Variants in MEGF10 observed in about 807,000 individuals in gnomAD.
MEGF10 encodes multiple epidermal growth factor-like domains protein 10.
In MEGF10, 86 loss-of-function variants were observed where a neutral mutation model predicts 147.5. That is an observed-to-expected ratio of 0.58 (90% CI 0.49 to 0.70). MEGF10 has a LOEUF of 0.70. MEGF10 is among the 30% of genes least tolerant of loss of function. The pLI is 0.00. For missense variants in MEGF10, 1,329 were observed against 1,487.3 expected, an observed-to-expected ratio of 0.89 and a Z score of 1.75; for synonymous variants, 478 against 525.5, an observed-to-expected ratio of 0.91 and a Z score of 1.24.
the MEGF10 span, chr5:127,229,501 C>A: frequency 1.3e-5 from 2 of 152,086 alleles, no homozygotes; most frequent in African/African-American, 4.8e-5. Flanking sequence ...GCGAGGCCTG[C>A]CTGCGGGAGA....
chr5:127,249,713 T>C, the MEGF10 span, among the ~76,000 whole-genome samples: 7,176 of 152,134 alleles, frequency 0.047, 283 homozygotes, highest in African/African-American at 0.1. Flanking sequence ...AATTGTGGCT[T>C]ATTCTGTTTT....
At chr5:127,259,454 G>A in the MEGF10 span, among the ~76,000 whole-genome samples, 1 of 152,150 alleles carries the variant, frequency 6.6e-6, no homozygotes, top group Non-Finnish European at 1.5e-5. Context: ...GGAGAGTGTG[G>A]TCTCAGGACA....
chr5:127,408,629 A>G (rs1233632313), intron 8 of MEGF10, among the ~76,000 whole-genome samples: 1 of 152,240 alleles, frequency 6.6e-6, no homozygotes, highest in Admixed American at 6.5e-5. Flanking sequence ...CAATTACTCC[A>G]TAACTTTTCT....
chr5:127,396,477 G>T (rs1580812366), intron 5 of MEGF10, 55 bp from the exon 6 acceptor site: 1 of 1,479,900 alleles, frequency 6.8e-7, no homozygotes, highest in East Asian at 2.4e-5. Flanking sequence ...GAGAGGCGAA[G>T]AAATCTGGTT....
intron 13 of MEGF10, among the ~76,000 whole-genome samples, chr5:127,426,896 T>A (rs1295919754): frequency 6.6e-6 from 1 of 152,168 alleles, no homozygotes; most frequent in Non-Finnish European, 1.5e-5. Context: ...CTGGCTAAGA[T>A]CACTGTCACC....
intron 4 of MEGF10, among the ~76,000 whole-genome samples, chr5:127,362,575 A>G (rs1443715712): frequency 6.6e-6 from 1 of 151,996 alleles, no homozygotes; most frequent in Non-Finnish European, 1.5e-5. Context: ...CGTGTTTGCC[A>G]GGATGGTCTC....
At chr5:127,450,590 C>A (rs1359093264) in intron 22 of MEGF10, among the ~76,000 whole-genome samples, 2 of 152,032 alleles carry the variant, frequency 1.3e-5, no homozygotes, top group East Asian at 3.9e-4. Context: ...TGCCAGAAAT[C>A]CCAGTTAAAT....
At chr5:127,419,803 C>G (rs1217768278) in intron 11 of MEGF10, among the ~76,000 whole-genome samples, 3 of 152,198 alleles carry the variant, frequency 2.0e-5, no homozygotes, top group Non-Finnish European at 4.4e-5. Context: ...CAGTAGCCCA[C>G]TAGTATGCAG....
intron 5 of MEGF10, among the ~76,000 whole-genome samples, chr5:127,395,037 A>G (rs1422110374): frequency 6.6e-6 from 1 of 152,144 alleles, no homozygotes; most frequent in East Asian, 1.9e-4. Context: ...TTTATTCCAG[A>G]TCTGTTGAAG....
chr5:127,402,689 G>A lies in MEGF10; in HGVS notation c.917+7G>A, dbSNP rs758554167. ...CAGGATACACAGGGGAACGGTAAGG[G>A]ATGCCCTTGTATTTCTCTGACTGTT... On this transcript the variant is annotated splice_region_variant and intron_variant, in intron 8 of 24. Transcript: ENST00000503335. 6.2e-7 allele frequency: 1 copy of A among 1,613,604 alleles called. No individual in the cohort carries two copies. The highest frequency in any genetic ancestry group is 8.5e-7 in the Non-Finnish European group (1 of 1,179,776).
At chr5:127,324,996 T>G (rs1760952845) in intron 1 of MEGF10, among the ~76,000 whole-genome samples, 1 of 152,218 alleles carries the variant, frequency 6.6e-6, no homozygotes, top group Admixed American at 6.5e-5. Context: ...GGCCTGTTCG[T>G]ATATCTGCTC....
intron 5 of MEGF10, among the ~76,000 whole-genome samples, chr5:127,373,502 A>G (rs1762920656): frequency 6.6e-6 from 1 of 152,080 alleles, no homozygotes; most frequent in South Asian, 2.1e-4. Context: ...GTGCTTTCTT[A>G]CTTTCTGGTG....
At chr5:127,453,156 G>T (rs2127040874) in intron 22 of MEGF10, among the ~76,000 whole-genome samples, 1 of 152,310 alleles carries the variant, frequency 6.6e-6, no homozygotes, top group Non-Finnish European at 1.5e-5. Context: ...TACTTACCTG[G>T]AATGTTCATT....
chr5:127,348,035 GT>G lies in MEGF10; in HGVS notation c.319+7408del, dbSNP rs562192449. Among the ~76,000 whole-genome samples the G allele has an allele frequency of 8.5e-4, 129 of 152,208 alleles. 2 individuals carry two copies. The highest frequency in any genetic ancestry group is 3.0e-3 in the African/African-American group (125 of 41,576). ...ACTTGATTTTAGTAATATTTGTGAT[GT>G]TTGGATTTCAATTAGAAGATAAGAA... On this transcript the variant is annotated intron_variant, in intron 4 of 24. Coordinates refer to ENST00000503335, the MANE Select transcript of MEGF10 (RefSeq NM_001256545.2).
chr5:127,360,523 A>G lies in MEGF10; in HGVS notation c.320-9387A>G, dbSNP rs966520478. On this transcript the variant is annotated intron_variant, in intron 4 of 24. Transcript: ENST00000503335. ...TAGAACCCCCAGTATCATGCTGAAT[A>G]GAAATTGTAAGAGCAAGAATCCTTG... Among the ~76,000 whole-genome samples, 5 of 151,900 alleles carry G rather than the reference A, an allele frequency of 3.3e-5. No homozygotes were observed. The East Asian group carries it at 5.8e-4, about 18-fold the overall frequency.
the MEGF10 span, among the ~76,000 whole-genome samples, chr5:127,244,965 C>T: frequency 6.6e-6 from 1 of 152,082 alleles, no homozygotes; most frequent in East Asian, 1.9e-4. Flanking sequence ...AGGACACAAA[C>T]AAATGGAAAA....
Position 127,396,673 on chromosome 5 carries a change from G to A in MEGF10, c.554G>A (p.Gly185Asp). The A allele has an allele frequency of 3.1e-6, 5 of 1,614,112 alleles. No individual in the cohort carries two copies. The highest frequency in any genetic ancestry group is 4.2e-6 in the Non-Finnish European group (5 of 1,180,038). ...GWRCEDRCEQGTYGNDCHQRC... is the reference protein window; with the variant it reads ...GWRCEDRCEQDTYGNDCHQRC... The stretch of plus-strand genomic sequence containing the variant: ...CGCTGCGAGGACCGCTGTGAGCAGG[G>A]CACCTATGGTAACGACTGTCATCAG... Residue 185 changes from glycine (G) to aspartate (D), a missense_variant, in exon 6 of 25, where the codon GGC becomes GAC. By Grantham distance (94) the Gly-to-Asp change is moderately conservative. Around this residue, in one of 3 missense-constraint regions of MEGF10, gnomAD observed 980 missense variants for 1,085.9 expected, o/e 0.90. Coordinates refer to ENST00000503335, the MANE Select transcript of MEGF10 (RefSeq NM_001256545.2).
At chr5:127,339,606 C>A (rs535102584) in intron 3 of MEGF10, among the ~76,000 whole-genome samples, 4 of 152,100 alleles carry the variant, frequency 2.6e-5, no homozygotes, top group African/African-American at 9.6e-5. Flanking sequence ...TTAAATTTGA[C>A]CCTTAAGTAA....
the MEGF10 span, among the ~76,000 whole-genome samples, chr5:127,256,280 G>C: frequency 1.3e-5 from 2 of 152,160 alleles, no homozygotes; most frequent in Admixed American, 6.5e-5. Context: ...GCTTGATCAG[G>C]TGATATTCAA....
Sources: gnomAD v4.1 joint callset for allele counts (sites outside exome capture counted in the v4.1 genomes callset) on GRCh38, gnomAD v4.1.1 for gene constraint, gnomAD v4.1.1 regional missense constraint, MANE v1.5 for transcripts, NCBI Gene and HGNC (gene_info 2026-07-23, HGNC 2026-07-21) for gene names.